The following HOXB6 variants were observed in gnomAD, a reference collection of about 807,000 sequenced individuals.
HOXB6 encodes the protein homeobox B6.
HOXB6 carries 18 observed loss-of-function variants against 24.2 expected under a neutral mutation model. The observed-to-expected ratio is 0.74, with a 90% CI of 0.51 to 1.10. The LOEUF is 1.10. Among genes scored for constraint, HOXB6 ranks in the 50% least tolerant of loss-of-function variants. The probability of loss-of-function intolerance (pLI) is 0.00; values close to 1 mark genes in which losing one functional copy is unlikely to be tolerated. For synonymous variants in HOXB6, 159 were observed against 139.1 expected, an observed-to-expected ratio of 1.14 and a Z score of -1.01; for missense variants, 332 against 308.3, an observed-to-expected ratio of 1.08 and a Z score of -0.58.
Position 48,597,935 on chromosome 17 carries a change from G to A in HOXB6, c.216C>T (p.Cys72=). The part of the protein sequence containing the change: ...AGGGYGRAAP[C]DYGPAPAFYR... ...AGAAGGCCGGCGCCGGCCCGTAGTC[G>A]CAGGGCGCCGCTCGGCCGTAGCCAC... The change falls in exon 3 of 4, where the codon TGC becomes TGT. Residue 72 remains cysteine, a synonymous_variant. Transcript: ENST00000225648. 1.9e-6 allele frequency: 3 copies of A among 1,572,592 alleles called. No individual in the cohort carries two copies. Among genetic ancestry groups the A allele is most frequent in the African/African-American group, 1.4e-5 (1 of 73,920 alleles).
rs1184508189 is a variant in HOXB6 at position 48,596,216 on chromosome 17, G to A, written c.*197C>T. 8.8e-6 allele frequency: 7 copies of A among 791,920 alleles called. No homozygotes were observed. The highest frequency in any genetic ancestry group is 1.5e-5 in the Non-Finnish European group (7 of 460,790). The allele number at this position is 791,920 out of a possible 1,614,324, so 49.1% of individuals were successfully genotyped here. ...GGCGCGCGGGATGCTGGGTGGGCTC[G>A]AGTAGTGAGGCCTCAGAGCACCCGC... is the stretch of plus-strand genomic sequence containing the variant. On this transcript the variant is annotated 3_prime_UTR_variant, in exon 4 of 4. Coordinates refer to ENST00000225648, the MANE Select transcript of HOXB6 (RefSeq NM_018952.5). The surrounding 1 kb of genome is among the most constrained non-coding windows in gnomAD (Gnocchi z 4.8).
At chr17:48,601,947 C>A (rs2070476232) in intron 2 of HOXB6, 4 of 381,292 alleles carry the variant, frequency 1.0e-5, no homozygotes, top group Admixed American at 9.2e-5. Context: ...CCCTGGCCAC[C>A]CCCTCTTGGG....
At position 48,596,496 on chromosome 17, in the gene HOXB6, G is replaced by A. The variant is rs757967340; in HGVS notation, c.592C>T (p.Arg198Cys). 10 of 1,614,206 alleles carry A rather than the reference G, an allele frequency of 6.2e-6. No individual in the cohort carries two copies. The highest frequency in any genetic ancestry group is 1.3e-5 in the African/African-American group (1 of 75,044). The change falls in exon 4 of 4, where the codon CGC (arginine) becomes TGC (cysteine). Residue 198 changes from arginine (R) to cysteine (C), a missense_variant. Transcript: ENST00000225648. The surrounding 1 kb of genome is among the most constrained non-coding windows in gnomAD (Gnocchi z 4.8). ...TTGCTCTCCTTTTTCCACTTCATGC[G>A]TCGGTTCTGGAACCATATCTTGATC... ...RQIKIWFQNR[R>C]MKWKKESKLL...
intron 2 of HOXB6, chr17:48,602,498 G>T (rs1335620187): frequency 1.3e-5 from 3 of 237,804 alleles, no homozygotes; most frequent in Non-Finnish European, 2.6e-5. Flanking sequence ...AGAGGAAGCC[G>T]CTTCCCTTGC....
rs1231196552 is a variant in HOXB6 at position 48,598,173 on chromosome 17, C to G, written c.-23G>C. 6.4e-7 allele frequency: 1 copy of G among 1,554,566 alleles called. No homozygotes were observed. The highest frequency in any genetic ancestry group is 1.4e-5 in the African/African-American group (1 of 73,276). ...CATTGGGAGGGGAGGCGCGCGCGGC[C>G]GCTGCTGCTCCGCCGGGTTTATGAT... On this transcript the variant is annotated 5_prime_UTR_variant, in exon 3 of 4. Coordinates refer to ENST00000225648, the MANE Select transcript of HOXB6 (RefSeq NM_018952.5).
chr17:48,602,708 A>G (rs542626827), intron 2 of HOXB6, among the ~76,000 whole-genome samples: 2 of 152,302 alleles, frequency 1.3e-5, no homozygotes, highest in Non-Finnish European at 2.9e-5. Context: ...ACCTCTGGAC[A>G]GTGTCGCGGG....
rs781003624 is a variant in HOXB6, at chr17:48,598,161, GGC to G, written c.-13_-12del. 6.4e-7 allele frequency: 1 copy of G among 1,565,668 alleles called. No individual in the cohort carries two copies. Among genetic ancestry groups the G allele is most frequent in the Non-Finnish European group, 8.7e-7 (1 of 1,152,640 alleles). ...GAAATAGGAACTCATTGGGAGGGGA[GGC>G]GCGCGCGGCCGCTGCTGCTCCGCCG... is the stretch of plus-strand genomic sequence containing the variant. On this transcript the variant is annotated 5_prime_UTR_variant, in exon 3 of 4. Coordinates refer to ENST00000225648, the MANE Select transcript of HOXB6 (RefSeq NM_018952.5).
At position 48,596,881 on chromosome 17, in the gene HOXB6, G is replaced by T; in HGVS notation, c.416-209C>A. 8.1e-7 allele frequency: 1 copy of T among 1,229,634 alleles called. No individual in the cohort carries two copies. The highest frequency in any genetic ancestry group is 1.1e-6 in the Non-Finnish European group (1 of 911,356). The allele number at this position is 1,229,634 out of a possible 1,614,324, so 76.2% of individuals were successfully genotyped here. On this transcript the variant is annotated intron_variant, in intron 3 of 3. Coordinates refer to ENST00000225648, the MANE Select transcript of HOXB6 (RefSeq NM_018952.5). This position sits in a 1 kb window ranked among gnomAD's most constrained non-coding sequence, Gnocchi z 4.8. Reference sequence around the variant, plus strand: ...GCCGTCTGTCTAGACTCTAGATGGGGGAGGGGAGGAGCAGTTTGAACTCCC... The same window carrying T: ...GCCGTCTGTCTAGACTCTAGATGGGTGAGGGGAGGAGCAGTTTGAACTCCC...
intron 2 of HOXB6, chr17:48,600,479 G>T (rs757119371): frequency 4.4e-6 from 2 of 455,862 alleles, no homozygotes; most frequent in African/African-American, 4.0e-5. Context: ...CACTACAGGC[G>T]GGCCTGGGCG....
Position 48,596,375 on chromosome 17 carries a change from G to A in HOXB6, c.*38C>T, listed in dbSNP as rs375903507. On this transcript the variant is annotated 3_prime_UTR_variant, in exon 4 of 4. Transcript: ENST00000225648. The surrounding 1 kb of genome is among the most constrained non-coding windows in gnomAD (Gnocchi z 4.8). ...CTCTGACGCCCTCGGCTCCCCACAG[G>A]CCTTTCCCCTCGCGTCCTCCCTCCC... 66 of 1,614,106 alleles carry A rather than the reference G, an allele frequency of 4.1e-5. No homozygotes were observed. In the African/African-American group the frequency reaches 8.4e-4, roughly 21 times the overall value.
chr17:48,602,318 A>G (rs911528753), intron 2 of HOXB6: 6 of 440,466 alleles, frequency 1.4e-5, no homozygotes, highest in African/African-American at 1.2e-4. Flanking sequence ...AAAACCAAAT[A>G]AACCTTGAAC....
intron 2 of HOXB6, among the ~76,000 whole-genome samples, chr17:48,603,522 T>C (rs571512373): frequency 8.0e-4 from 122 of 152,362 alleles, no homozygotes; most frequent in Admixed American, 1.7e-3. Flanking sequence ...TATTTTTATT[T>C]ACAAGCCTAA....
Position 48,595,787 on chromosome 17 carries a change from G to GTTGTTATTATTATTATTA in HOXB6, c.*625_*626insTAATAATAATAATAACAA. ...CATCTTTATTATTGTTGTTGTTGTT[G>GTTGTTATTATTATTATTA]TTATTATTATTATTATTATCATCAT... On this transcript the variant is annotated 3_prime_UTR_variant, in exon 4 of 4. Coordinates refer to ENST00000225648, the MANE Select transcript of HOXB6 (RefSeq NM_018952.5). 5.8e-6 allele frequency: 1 copy of GTTGTTATTATTATTATTA among 172,014 alleles called. No homozygotes were observed. The allele number at this position is 172,014 out of a possible 1,614,324, so 10.7% of individuals were successfully genotyped here. A position where few individuals can be genotyped will look rare whatever the true frequency, so the allele number is the denominator to read the frequency against.
intron 2 of HOXB6, chr17:48,602,155 G>T (rs1035398508): frequency 1.1e-5 from 5 of 455,934 alleles, no homozygotes; most frequent in Middle Eastern, 3.2e-4. Context: ...CAGAAAATTC[G>T]GTTCAATTCC....
Position 48,596,411 on chromosome 17 carries a change from C to T in HOXB6, c.*2G>A. 1 of 1,614,216 alleles carries T rather than the reference C, an allele frequency of 6.2e-7. No individual in the cohort carries two copies. Among genetic ancestry groups the T allele is most frequent in the Non-Finnish European group, 8.5e-7 (1 of 1,180,026 alleles). On this transcript the variant is annotated 3_prime_UTR_variant, in exon 4 of 4. Transcript: ENST00000225648. The surrounding 1 kb of genome is among the most constrained non-coding windows in gnomAD (Gnocchi z 4.8). ...CGCGTCCTCCCTCCCTTTCCAGCAC[C>T]TTCACTCGGCCTGTTTTTCTTCCTC...
intron 2 of HOXB6, among the ~76,000 whole-genome samples, chr17:48,598,570 AAT>A (rs1389610996): frequency 6.6e-6 from 1 of 152,120 alleles, no homozygotes; most frequent in Admixed American, 6.5e-5. Flanking sequence ...TGATTAAATA[AAT>A]ATGTCTCTCC....
rs370966566 is a variant in HOXB6 at position 48,597,952 on chromosome 17, C to G, written c.199G>C (p.Gly67Arg). 11 of 1,573,348 alleles carry G rather than the reference C, an allele frequency of 7.0e-6. No homozygotes were observed. The highest frequency in any genetic ancestry group is 2.7e-5 in the African/African-American group (2 of 73,864). ...CCGTAGTCGCAGGGCGCCGCTCGGC[C>G]GTAGCCACCGCCCGCCGGCGGGTAA... ...SYYPPAGGGY[G>R]RAAPCDYGPA... Residue 67 changes from glycine to arginine, a missense_variant, in exon 3 of 4, where the codon GGC becomes CGC. Transcript: ENST00000225648.
Position 48,598,005 on chromosome 17 carries a change from T to C in HOXB6, c.146A>G (p.Gln49Arg). 1 of 1,595,356 alleles carries C rather than the reference T, an allele frequency of 6.3e-7. No individual in the cohort carries two copies. The highest frequency in any genetic ancestry group is 1.7e-5 in the Admixed American group (1 of 57,438). The change falls in exon 3 of 4, where the codon CAG becomes CGG. Residue 49 changes from glutamine to arginine, a missense_variant. By Grantham distance (43) the Gln-to-Arg change is conservative. Transcript: ENST00000225648. The stretch of plus-strand genomic sequence containing the variant: ...GGAGGAAGTGGCAAAGCCCTTGTCC[T>C]GGCCCGGCCCTGGCCCGTAGGGCGC... Reference protein sequence around the residue: ...YPAPYGPGPGQDKGFATSSYY... With the variant: ...YPAPYGPGPGRDKGFATSSYY...
Position 48,597,097 on chromosome 17 carries a change from G to A in HOXB6, c.416-425C>T, listed in dbSNP as rs924303271. On this transcript the variant is annotated intron_variant, in intron 3 of 3. Coordinates refer to ENST00000225648, the MANE Select transcript of HOXB6 (RefSeq NM_018952.5). ...TTAACGGCTCCTCACTTTCGAGTCC[G>A]GCTAATGGACATCAGTTGGGACTTA... 13 of 1,092,950 alleles carry A rather than the reference G, an allele frequency of 1.2e-5. No individual in the cohort carries two copies. The East Asian group carries it at 4.3e-4, about 36-fold the overall frequency. The allele number at this position is 1,092,950 out of a possible 1,614,324, so 67.7% of individuals were successfully genotyped here.
Sources: allele counts gnomAD v4.1 joint callset (sites outside exome capture counted in the v4.1 genomes callset), GRCh38; gene constraint gnomAD v4.1.1; non-coding constraint Gnocchi (gnomAD v3.1); transcripts MANE v1.5; gene names NCBI Gene and HGNC (gene_info 2026-07-23, HGNC 2026-07-21).